The following LDAH variants were observed in gnomAD, a reference collection of about 807,000 sequenced individuals.
LDAH encodes lipid droplet associated hydrolase.
LDAH carries 26 observed loss-of-function variants against 29.6 expected under a neutral mutation model. That is an observed-to-expected ratio of 0.88 (90% CI 0.64 to 1.22). The LOEUF is 1.22. Among genes scored for constraint, LDAH ranks in the 50% most tolerant of loss-of-function variants. The pLI is 0.00. For synonymous variants in LDAH, 117 were observed against 133.0 expected (o/e 0.88, Z 0.83); for missense variants, 344 against 387.3 (o/e 0.89, Z 0.94).
chr2:20,789,378 T>C (rs935598603), intron 3 of LDAH: 112 of 1,491,932 alleles, frequency 7.5e-5, no homozygotes, highest in Non-Finnish European at 1.0e-4. Flanking sequence ...AGACATCGAA[T>C]CTGCCAGTGC....
At position 20,742,793 on chromosome 2, in the gene LDAH, CTT is replaced by C. The variant is rs71391767; in HGVS notation, c.469-2590_469-2589del. Among the ~76,000 whole-genome samples the C allele has an allele frequency of 5.9e-3, 680 of 114,386 alleles. 2 individuals are homozygous for C. The highest frequency in any genetic ancestry group is 0.014 in the Middle Eastern group (3 of 216). The allele number at this position is 114,386 out of a possible 152,430, so 75.0% of individuals were successfully genotyped here. ...TGCTTTTCTTTTTCTTTTCTTTTTC[CTT>C]TTTTTTTTTTTTTTTTGAGACAGGG... On this transcript the variant is annotated intron_variant, in intron 4 of 6. Transcript: ENST00000237822.
rs554852024 is a variant in LDAH at position 20,684,738 on chromosome 2, C to G, written c.*2165G>C. ...AACAAACACGGGTGTGGTCAAAGCT[C>G]AATCGCTGAGCACTCGGTAACTCTG... On this transcript the variant is annotated 3_prime_UTR_variant, in exon 7 of 7. Transcript: ENST00000237822. 2.3e-6 allele frequency: 2 copies of G among 861,368 alleles called. No individual in the cohort carries two copies. Among genetic ancestry groups the G allele is most frequent in the East Asian group, 5.6e-5 (2 of 35,948 alleles). The allele number at this position is 861,368 out of a possible 1,614,324, so 53.4% of individuals were successfully genotyped here.
chr2:20,685,633 A>G lies in LDAH; in HGVS notation c.*1270T>C. The G allele has an allele frequency of 6.4e-7, 1 of 1,550,408 alleles. No homozygotes were observed. The highest frequency in any genetic ancestry group is 1.4e-5 in the African/African-American group (1 of 73,170). On this transcript the variant is annotated 3_prime_UTR_variant, in exon 7 of 7. Transcript: ENST00000237822. ...AGGGACATCTCATTGTCCTTAGGGA[A>G]TGATAATGCCATGAGGGATTTCCTC...
chr2:20,682,739 T>C (rs973389723), downstream of LDAH, among the ~76,000 whole-genome samples: 1 of 152,180 alleles, frequency 6.6e-6, no homozygotes, highest in African/African-American at 2.4e-5. Context: ...CACCTCCCAA[T>C]AGTTGCATTG....
chr2:20,781,046 T>C (rs979278330), intron 3 of LDAH, among the ~76,000 whole-genome samples: 1 of 152,230 alleles, frequency 6.6e-6, no homozygotes, highest in African/African-American at 2.4e-5. Context: ...GTTGCAAGAT[T>C]GTATAACTTT....
At chr2:20,791,008 C>T (rs1670910067) in intron 2 of LDAH, among the ~76,000 whole-genome samples, 1 of 152,192 alleles carries the variant, frequency 6.6e-6, no homozygotes, top group Non-Finnish European at 1.5e-5. Flanking sequence ...AAAGTCTTCA[C>T]AGCTACTAGT....
chr2:20,773,358 A>T (rs949371941), intron 4 of LDAH, among the ~76,000 whole-genome samples: 12 of 152,142 alleles, frequency 7.9e-5, no homozygotes, highest in African/African-American at 2.9e-4. Flanking sequence ...AGGTGTCCTG[A>T]TTCTACTGCC....
chr2:20,781,573 G>C (rs1371100010), intron 3 of LDAH, among the ~76,000 whole-genome samples: 1 of 152,168 alleles, frequency 6.6e-6, no homozygotes, highest in Non-Finnish European at 1.5e-5. Context: ...CCTCCAATGT[G>C]TACAACAGAT....
intron 4 of LDAH, among the ~76,000 whole-genome samples, chr2:20,766,864 T>C (rs1437286139): frequency 6.6e-6 from 1 of 152,178 alleles, no homozygotes. Context: ...CTGTGACGCC[T>C]GCTTCGGGGA....
intron 5 of LDAH, among the ~76,000 whole-genome samples, chr2:20,728,847 T>A (rs1328663936): frequency 6.7e-6 from 1 of 150,108 alleles, no homozygotes; most frequent in Non-Finnish European, 1.5e-5. Context: ...ACTGAAGTAG[T>A]AGTTATTTGG....
chr2:20,742,963 A>G (rs909773544), intron 4 of LDAH, among the ~76,000 whole-genome samples: 5 of 151,496 alleles, frequency 3.3e-5, no homozygotes, highest in East Asian at 1.9e-4. Flanking sequence ...CTGTCTCCCT[A>G]TGTTGTGCAG....
At position 20,685,004 on chromosome 2, in the gene LDAH, C is replaced by G. The variant is rs988961597; in HGVS notation, c.*1899G>C. ...CCGAGTCTAACTCAGGAGAACTGCTCAAATTGTACCCTCTCTTGCCCAACA... is the reference window on the plus strand; with the variant it reads ...CCGAGTCTAACTCAGGAGAACTGCTGAAATTGTACCCTCTCTTGCCCAACA... On this transcript the variant is annotated 3_prime_UTR_variant, in exon 7 of 7. Coordinates refer to ENST00000237822, the MANE Select transcript of LDAH (RefSeq NM_021925.4). The G allele has an allele frequency of 6.6e-7, 1 of 1,520,748 alleles. No homozygotes were observed. The allele number at this position is 1,520,748 out of a possible 1,614,324, so 94.2% of individuals were successfully genotyped here.
intron 5 of LDAH, among the ~76,000 whole-genome samples, chr2:20,738,253 A>AAATAATAATCATAAT (rs1553342099): frequency 4.2e-5 from 6 of 141,806 alleles, no homozygotes; most frequent in African/African-American, 1.4e-4. Flanking sequence ...TTCCATCTCA[A>AAATAATAATCATAAT]AATAATAATA....
rs541047201 is a variant in LDAH, at chr2:20,774,881, G to A, written c.397C>T (p.Leu133Phe). The A allele has an allele frequency of 1.2e-6, 2 of 1,613,724 alleles. No individual in the cohort carries two copies. Among genetic ancestry groups the A allele is most frequent in the South Asian group, 1.1e-5 (1 of 91,062 alleles). ...CCTATTGAATGGCCAATGAGCACAA[G>A]TTTCATGTCCTTTGGCACATGAGTT... ...LRTHVPKDMKLVLIGHSIGSY... is the reference protein window; with the variant it reads ...LRTHVPKDMKFVLIGHSIGSY... Residue 133 changes from leucine to phenylalanine, a missense_variant, in exon 4 of 7, where the codon CTT (leucine) becomes TTT (phenylalanine). Leu to Phe is a conservative substitution (Grantham distance 22). Transcript: ENST00000237822.
chr2:20,781,895 C>T (rs1465531943), intron 3 of LDAH, among the ~76,000 whole-genome samples: 1 of 152,076 alleles, frequency 6.6e-6, no homozygotes, highest in Non-Finnish European at 1.5e-5. Flanking sequence ...AGCAAAGAAC[C>T]CAGACTAATT....
intron 2 of LDAH, among the ~76,000 whole-genome samples, chr2:20,793,613 T>C (rs867585098): frequency 1.3e-5 from 2 of 152,126 alleles, no homozygotes; most frequent in Non-Finnish European, 2.9e-5. Context: ...TTTTGGGCCA[T>C]GATAAGTAAT....
chr2:20,798,688 G>A (rs1671470968), intron 2 of LDAH, among the ~76,000 whole-genome samples: 1 of 151,626 alleles, frequency 6.6e-6, no homozygotes, highest in African/African-American at 2.4e-5. Context: ...GATGGAGAAG[G>A]AGGGGTATAT....
chr2:20,730,843 A>T (rs1391611878), intron 5 of LDAH, among the ~76,000 whole-genome samples: 2 of 152,172 alleles, frequency 1.3e-5, no homozygotes, highest in Non-Finnish European at 2.9e-5. Context: ...GTCAAAAATC[A>T]GTTGGGCACA....
intron 4 of LDAH, among the ~76,000 whole-genome samples, chr2:20,748,960 C>A (rs553071226): frequency 6.6e-6 from 1 of 152,150 alleles, no homozygotes; most frequent in Non-Finnish European, 1.5e-5. Flanking sequence ...AAGTTAAAAA[C>A]CCCAATATTT....
Sources: gnomAD v4.1 joint callset for allele counts (sites outside exome capture counted in the v4.1 genomes callset) on GRCh38, gnomAD v4.1.1 for gene constraint, MANE v1.5 for transcripts, NCBI Gene and HGNC (gene_info 2026-07-23, HGNC 2026-07-21) for gene names.